Variants in CD55 observed in about 807,000 individuals in gnomAD.
CD55 encodes complement decay-accelerating factor.
Under a neutral mutation model 45.8 loss-of-function variants are expected in CD55, and 41 were observed. The observed-to-expected ratio is 0.90, with a 90% CI of 0.70 to 1.16. The LOEUF is 1.16. Ranked by LOEUF, CD55 falls within the 50% of genes most tolerant of loss-of-function variation. The pLI is 0.00. For synonymous variants in CD55, 181 were observed against 181.1 expected (o/e 1.00, Z 0.01); for missense variants, 416 against 469.8 (o/e 0.89, Z 1.06).
chr1:207,323,601 G>A (rs528635252), intron 2 of CD55, among the ~76,000 whole-genome samples: 5 of 152,212 alleles, frequency 3.3e-5, no homozygotes, highest in Admixed American at 2.0e-4. Flanking sequence ...TAGAGATAAA[G>A]ATAAAGAGAC....
chr1:207,330,166 C>G (rs1654877975), intron 5 of CD55, among the ~76,000 whole-genome samples: 2 of 152,162 alleles, frequency 1.3e-5, no homozygotes, highest in African/African-American at 4.8e-5. Flanking sequence ...GTGTGTGTCT[C>G]TGCACACTCT....
intron 9 of CD55, among the ~76,000 whole-genome samples, chr1:207,352,495 G>C (rs1022313368): frequency 1.3e-5 from 2 of 152,080 alleles, no homozygotes; most frequent in African/African-American, 2.4e-5. Context: ...ATAGAAGAAA[G>C]AGCTTAACCT....
chr1:207,354,746 A>ATG (rs1656013464), intron 9 of CD55, among the ~76,000 whole-genome samples: 2 of 152,196 alleles, frequency 1.3e-5, no homozygotes, highest in Non-Finnish European at 1.5e-5. Flanking sequence ...GGGAGATAAT[A>ATG]TGCTCTTATT....
At chr1:207,331,409 C>A in intron 6 of CD55, 113 bp downstream of exon 6, 1 of 804,762 alleles carries the variant, frequency 1.2e-6, no homozygotes, top group Non-Finnish European at 2.0e-6. Context: ...TTTACATATA[C>A]ATATTTGTAT....
intron 9 of CD55, chr1:207,350,061 A>C (rs117942703): frequency 4.4e-6 from 2 of 453,022 alleles, no homozygotes; most frequent in African/African-American, 4.0e-5. Flanking sequence ...ATGACTTTTA[A>C]CATGAAGGGA....
At chr1:207,340,420 C>CGGTG (rs1655372379) in intron 9 of CD55, 1 of 568,800 alleles carries the variant, frequency 1.8e-6, no homozygotes, top group Non-Finnish European at 3.2e-6. Context: ...GGCTGGTATG[C>CGGTG]GGTGGTGTGA....
At chr1:207,332,123 C>T (rs1373082614) in intron 6 of CD55, among the ~76,000 whole-genome samples, 1 of 151,942 alleles carries the variant, frequency 6.6e-6, no homozygotes, top group Non-Finnish European at 1.5e-5. Flanking sequence ...GTGAAAGTCT[C>T]TTCTCTATCA....
In CD55 at chr1:207,321,868, G is replaced by T; in HGVS notation, c.100+3G>T. 1 of 1,522,518 alleles carries T rather than the reference G, an allele frequency of 6.6e-7. No individual in the cohort carries two copies. Among genetic ancestry groups the T allele is most frequent in the Non-Finnish European group, 8.8e-7 (1 of 1,139,596 alleles). 94.3% of individuals were successfully genotyped at this position (1,522,518 alleles called of 1,614,324 possible). ...GTTGTGCCTGCCGGCCGTGTGGGGT[G>T]AGTAGGGGCCCGGCGGCCGGGGAAG... On this transcript the variant is annotated splice_donor_region_variant and intron_variant, in intron 1 of 9. Transcript: ENST00000367064.
In CD55 at chr1:207,346,732, T is replaced by A. The variant is rs561898391; in HGVS notation, c.1081+7315T>A. ...AGGCAACAGTGGCCACAGAGCAAGA[T>A]GCAGTCTGGGAGGGGCTGGGCTCTC... On this transcript the variant is annotated intron_variant, in intron 9 of 9. Coordinates refer to ENST00000367064, the MANE Select transcript of CD55 (RefSeq NM_000574.5). Among the ~76,000 whole-genome samples the A allele has an allele frequency of 1.1e-4, 16 of 152,294 alleles. No individual in the cohort carries two copies. The East Asian group carries it at 3.1e-3, about 29-fold the overall frequency.
Position 207,336,678 on chromosome 1 carries a change from CCTT to C in CD55, c.854-14_854-12del. ...AATATTTAGCTAACTTGTTTCTCAA[CCTT>C]TTCTTTCACAGGAAAATCTCTAACT... On this transcript the variant is annotated splice_polypyrimidine_tract_variant and intron_variant, in intron 6 of 9. Transcript: ENST00000367064. 1 of 1,612,730 alleles carries C rather than the reference CCTT, an allele frequency of 6.2e-7. No homozygotes were observed. Among genetic ancestry groups the C allele is most frequent in the South Asian group, 1.1e-5 (1 of 90,958 alleles).
At chr1:207,330,964 A>G in intron 5 of CD55, 144 bp from the exon 6 acceptor site, 1 of 638,738 alleles carries the variant, frequency 1.6e-6, no homozygotes, top group Non-Finnish European at 2.6e-6. Flanking sequence ...AGGCATTTAT[A>G]AGCATCTCTT....
chr1:207,347,911 T>G (rs1432336918), intron 9 of CD55, among the ~76,000 whole-genome samples: 3 of 152,242 alleles, frequency 2.0e-5, no homozygotes, highest in African/African-American at 7.2e-5. Flanking sequence ...AGGACATGAT[T>G]TCATTCCTTT....
chr1:207,355,952 G>A (rs528955207), intron 9 of CD55, among the ~76,000 whole-genome samples: 27 of 152,032 alleles, frequency 1.8e-4, no homozygotes, highest in South Asian at 4.1e-4. Context: ...TTTTTCTTTC[G>A]AAGAAAACAG....
intron 9 of CD55, among the ~76,000 whole-genome samples, chr1:207,348,774 A>T (rs1216759642): frequency 1.3e-5 from 2 of 152,170 alleles, no homozygotes; most frequent in Non-Finnish European, 2.9e-5. Context: ...GTCCATTTTC[A>T]ATCTTCTGCA....
At chr1:207,339,011 T>C (rs1655302622) in intron 8 of CD55, among the ~76,000 whole-genome samples, 1 of 152,208 alleles carries the variant, frequency 6.6e-6, no homozygotes, top group Non-Finnish European at 1.5e-5. Context: ...TATAGTCTGC[T>C]AAAAGGGACT....
At chr1:207,329,241 C>A (rs1654830703) in intron 5 of CD55, among the ~76,000 whole-genome samples, 1 of 152,190 alleles carries the variant, frequency 6.6e-6, no homozygotes, top group Non-Finnish European at 1.5e-5. Context: ...CTACAAACAT[C>A]CCACCAACAG....
chr1:207,340,821 T>TG (rs1407405627), intron 9 of CD55: 1 of 422,278 alleles, frequency 2.4e-6, no homozygotes, highest in Admixed American at 4.4e-5. Flanking sequence ...GTAGTGGGAT[T>TG]GCTGGATCCT....
chr1:207,321,739 C>G lies in CD55; in HGVS notation c.-27C>G. 1 of 1,476,492 alleles carries G rather than the reference C, an allele frequency of 6.8e-7. No homozygotes were observed. The highest frequency in any genetic ancestry group is 9.0e-7 in the Non-Finnish European group (1 of 1,117,134). The allele number at this position is 1,476,492 out of a possible 1,614,324, so 91.5% of individuals were successfully genotyped here. A position where few individuals can be genotyped will look rare whatever the true frequency, so the allele number is the denominator to read the frequency against. ...CTGCGACTCGGCGGAGTCCCGGCGG[C>G]GCGTCCTTGTTCTAACCCGGCGCGC... is the stretch of plus-strand genomic sequence containing the variant. On this transcript the variant is annotated 5_prime_UTR_variant, in exon 1 of 10. Coordinates refer to ENST00000367064, the MANE Select transcript of CD55 (RefSeq NM_000574.5).
chr1:207,331,509 A>G (rs1389122104), intron 6 of CD55, among the ~76,000 whole-genome samples: 1 of 152,114 alleles, frequency 6.6e-6, no homozygotes, highest in Non-Finnish European at 1.5e-5. Context: ...ACATATTATG[A>G]TGTGTATATA....
Sources: gnomAD v4.1 joint callset for allele counts (sites outside exome capture counted in the v4.1 genomes callset) on GRCh38, gnomAD v4.1.1 for gene constraint, MANE v1.5 for transcripts, NCBI Gene and HGNC (gene_info 2026-07-23, HGNC 2026-07-21) for gene names.